RHPN2: variants seen among roughly 807,000 people sequenced by gnomAD.
RHPN2 encodes the protein rhophilin Rho GTPase binding protein 2.
RHPN2 carries 40 observed loss-of-function variants against 79.0 expected under a neutral mutation model. The ratio of observed to expected loss-of-function variants is 0.51; its 90% CI spans 0.39 to 0.66. The LOEUF (loss-of-function observed/expected upper bound fraction) is 0.66. RHPN2 is among the 30% of genes least tolerant of loss of function. The pLI, the probability that RHPN2 is intolerant of heterozygous loss-of-function variation, is 0.00. For synonymous variants in RHPN2, 285 were observed against 363.5 expected, an observed-to-expected ratio of 0.78 and a Z score of 2.46; for missense variants, 686 against 883.5, an observed-to-expected ratio of 0.78 and a Z score of 2.83.
chr19:32,999,899 C>G (rs772897049), intron 9 of RHPN2, among the ~76,000 whole-genome samples, 194 bp from the exon 10 acceptor site: 2 of 152,146 alleles, frequency 1.3e-5, no homozygotes, highest in Admixed American at 6.6e-5. Context: ...TTGAGACGGT[C>G]TCACTCTGTT....
At chr19:33,042,909 TC>T (rs1244451525) in intron 2 of RHPN2, among the ~76,000 whole-genome samples, 17 of 151,986 alleles carry the variant, frequency 1.1e-4, no homozygotes, top group Admixed American at 1.1e-3. Context: ...TGAAACCTCG[TC>T]TCTACTAAAA....
intron 2 of RHPN2, among the ~76,000 whole-genome samples, chr19:33,042,387 G>A (rs1338496732): frequency 2.0e-5 from 3 of 152,064 alleles, no homozygotes; most frequent in African/African-American, 4.8e-5. Flanking sequence ...TCCCAAAATC[G>A]GGGGCCTCTC....
intron 1 of RHPN2, among the ~76,000 whole-genome samples, chr19:33,061,548 A>G (rs1268054563): frequency 6.7e-6 from 1 of 149,730 alleles, no homozygotes; most frequent in East Asian, 2.0e-4. Context: ...CAGTGGCACA[A>G]TCTCAGCTCA....
At chr19:32,991,465 CA>C in intron 13 of RHPN2, 2 of 304,630 alleles carry the variant, frequency 6.6e-6, no homozygotes, top group Non-Finnish European at 1.3e-5. Flanking sequence ...TCTCAAAAAA[CA>C]AAAACAAAAA....
intron 1 of RHPN2, among the ~76,000 whole-genome samples, chr19:33,062,822 C>T (rs1236745602): frequency 2.0e-5 from 3 of 151,304 alleles, no homozygotes; most frequent in Non-Finnish European, 2.9e-5. Flanking sequence ...ATGAAAAACA[C>T]CCAACTGTGC....
At chr19:33,025,982 T>G (rs1971962571) in intron 3 of RHPN2, among the ~76,000 whole-genome samples, 1 of 38,786 alleles carries the variant, frequency 2.6e-5, no homozygotes, top group Non-Finnish European at 3.6e-5. Flanking sequence ...TGTTCATTTG[T>G]TTTTTTTTTT....
chr19:33,005,064 C>T (rs2145233311), intron 7 of RHPN2, among the ~76,000 whole-genome samples: 1 of 151,578 alleles, frequency 6.6e-6, no homozygotes, highest in East Asian at 2.0e-4. Flanking sequence ...GGACCAGGCT[C>T]ACACATAAGA....
In RHPN2 at chr19:32,990,516, T is replaced by C; in HGVS notation, c.1798A>G (p.Met600Val). The C allele has an allele frequency of 1.9e-6, 3 of 1,613,796 alleles. No homozygotes were observed. The highest frequency in any genetic ancestry group is 2.2e-5 in the East Asian group (1 of 44,860). The stretch of plus-strand genomic sequence containing the variant: ...CCCAGGGAGGTGTCAGCGCTCACCA[T>C]GGATGATGTGGAGTCCAGGAGGCTC... ...VVSLLDSTSS[M>V]HNKSATYSVG... Residue 600 changes from methionine to valine, a missense_variant and splice_region_variant, in exon 14 of 15, where the codon ATG becomes GTG. Physicochemically the swap from Met to Val is conservative, Grantham distance 21. Transcript: ENST00000254260.
At chr19:32,995,915 C>T (rs1040661491) in intron 11 of RHPN2, 111 bp downstream of exon 11, 5 of 1,013,710 alleles carry the variant, frequency 4.9e-6, no homozygotes, top group Non-Finnish European at 7.7e-6. Flanking sequence ...CCCTGTGCAG[C>T]TCTCCTTGTG....
chr19:33,042,978 C>A (rs992743827), intron 2 of RHPN2, among the ~76,000 whole-genome samples: 5 of 151,860 alleles, frequency 3.3e-5, no homozygotes, highest in Admixed American at 2.0e-4. Context: ...ACTGAGGAGG[C>A]TGAGGCAGGA....
chr19:33,016,226 A>T (rs1463686386), intron 4 of RHPN2, among the ~76,000 whole-genome samples: 5 of 150,458 alleles, frequency 3.3e-5, no homozygotes, highest in Non-Finnish European at 7.4e-5. Context: ...TTTTTTTTTT[A>T]AATGAGACAA....
intron 2 of RHPN2, among the ~76,000 whole-genome samples, chr19:33,034,905 C>T (rs2145256263): frequency 6.6e-6 from 1 of 152,088 alleles, no homozygotes; most frequent in South Asian, 2.1e-4. Flanking sequence ...TCAAGACCAG[C>T]CGAAGCAACA....
At chr19:32,982,438 A>C (rs979643180) in intron 14 of RHPN2, among the ~76,000 whole-genome samples, 1 of 152,018 alleles carries the variant, frequency 6.6e-6, no homozygotes, top group Admixed American at 6.6e-5. Flanking sequence ...TAAATAAATA[A>C]AATAAACCCT....
chr19:32,980,476 G>A (rs1971565651), intron 14 of RHPN2, among the ~76,000 whole-genome samples: 1 of 152,080 alleles, frequency 6.6e-6, no homozygotes, highest in Non-Finnish European at 1.5e-5. Context: ...GTGTGGTGGT[G>A]GATGTCTGTA....
intron 10 of RHPN2, among the ~76,000 whole-genome samples, chr19:32,997,211 CA>C (rs1971709660): frequency 6.6e-6 from 1 of 152,186 alleles, no homozygotes; most frequent in Non-Finnish European, 1.5e-5. Context: ...AGCCTCCCTT[CA>C]ATGCGTATGT....
Position 33,040,914 on chromosome 19 carries a change from G to A in RHPN2, c.185+3335C>T, listed in dbSNP as rs138959472. Among the ~76,000 whole-genome samples the A allele has an allele frequency of 2.6e-5, 4 of 152,138 alleles. No individual in the cohort carries two copies. In the East Asian group the frequency reaches 5.8e-4, roughly 22 times the overall value. ...GGTTGCGCAGGTGAGCTGGTATCTC[G>A]ACACTGCACTCCATCCTGGGAGACA... On this transcript the variant is annotated intron_variant, in intron 2 of 14. Transcript: ENST00000254260.
At chr19:33,059,036 G>A (rs1972257315) in intron 1 of RHPN2, among the ~76,000 whole-genome samples, 1 of 151,832 alleles carries the variant, frequency 6.6e-6, no homozygotes, top group South Asian at 2.1e-4. Context: ...TGAAGGTTGC[G>A]GGGAGCTGAG....
intron 1 of RHPN2, among the ~76,000 whole-genome samples, chr19:33,045,821 A>G (rs1007051203): frequency 6.6e-6 from 1 of 152,188 alleles, no homozygotes; most frequent in Non-Finnish European, 1.5e-5. Flanking sequence ...AAAAAAAGCA[A>G]GTAGCCATTA....
chr19:33,042,452 AT>A, intron 2 of RHPN2, among the ~76,000 whole-genome samples: 1 of 152,144 alleles, frequency 6.6e-6, no homozygotes, highest in Non-Finnish European at 1.5e-5. Context: ...GACAATTCCC[AT>A]GTCCAAACTT....
Sources: gnomAD v4.1 joint callset for allele counts (sites outside exome capture counted in the v4.1 genomes callset) on GRCh38, gnomAD v4.1.1 for gene constraint, MANE v1.5 for transcripts, NCBI Gene and HGNC (gene_info 2026-07-23, HGNC 2026-07-21) for gene names.